Variants in BDP1 observed in about 807,000 individuals in gnomAD.
The protein encoded by BDP1 is transcription factor TFIIIB component B'' homolog.
BDP1 carries 169 observed loss-of-function variants against 266.6 expected under a neutral mutation model. That is an observed-to-expected ratio of 0.63 (90% CI 0.56 to 0.72). The LOEUF (loss-of-function observed/expected upper bound fraction) is 0.72, where lower values mean the gene tolerates loss of function less well. Ranked by LOEUF, BDP1 falls within the 30% of genes least tolerant of loss-of-function variation. BDP1 has a pLI of 0.00. For missense variants in BDP1, 3,015 were observed against 3,053.8 expected (o/e 0.99, Z 0.30); for synonymous variants, 1,090 against 1,022.4 (o/e 1.07, Z -1.26).
chr5:71,461,668 T>C (rs1761572677), intron 2 of BDP1, 149 bp from the exon 3 acceptor site: 1 of 542,854 alleles, frequency 1.8e-6, no homozygotes, highest in African/African-American at 1.9e-5. Context: ...TACAACTTTT[T>C]AATATTCCAT....
chr5:71,543,136 C>A (rs1030854630), intron 30 of BDP1, among the ~76,000 whole-genome samples: 12 of 152,126 alleles, frequency 7.9e-5, no homozygotes, highest in African/African-American at 2.9e-4. Flanking sequence ...CAAAAATTAG[C>A]CAGGCATGGT....
chr5:71,493,464 TG>T (rs1763710022), intron 11 of BDP1, among the ~76,000 whole-genome samples: 1 of 152,140 alleles, frequency 6.6e-6, no homozygotes, highest in South Asian at 2.1e-4. Context: ...TTTTCCAGGC[TG>T]GTCTCAAACT....
At chr5:71,531,142 A>G (rs1355677106) in intron 25 of BDP1, among the ~76,000 whole-genome samples, 1 of 152,156 alleles carries the variant, frequency 6.6e-6, no homozygotes, top group Admixed American at 6.6e-5. Context: ...GTTTCTACTC[A>G]GCCATACAAC....
intron 1 of BDP1, 26 bp from the exon 2 acceptor site, chr5:71,458,553 T>C: frequency 1.3e-6 from 2 of 1,543,560 alleles, no homozygotes; most frequent in South Asian, 2.5e-5. Flanking sequence ...TCATGTGCCC[T>C]CTTTTTTCTT....
intron 6 of BDP1, among the ~76,000 whole-genome samples, chr5:71,469,434 G>T (rs1479276459): frequency 6.6e-6 from 1 of 152,008 alleles, no homozygotes; most frequent in African/African-American, 2.4e-5. Flanking sequence ...GCCACCGTGC[G>T]TGGCCTCTTG....
chr5:71,553,434 A>G, intron 35 of BDP1, 114 bp downstream of exon 35: 1 of 655,654 alleles, frequency 1.5e-6, no homozygotes, highest in Non-Finnish European at 2.5e-6. Context: ...ATATATATAA[A>G]GATAGTTCTG....
At chr5:71,560,317 T>G (rs112200932) in intron 37 of BDP1, 80 bp downstream of exon 37, 1 of 1,407,136 alleles carries the variant, frequency 7.1e-7, no homozygotes, top group Non-Finnish European at 9.6e-7. Flanking sequence ...TTAGATCCAG[T>G]ACTAAGGATG....
At chr5:71,527,279 A>G (rs1455855126) in intron 25 of BDP1, among the ~76,000 whole-genome samples, 3 of 152,086 alleles carry the variant, frequency 2.0e-5, no homozygotes, top group Non-Finnish European at 4.4e-5. Context: ...CAAAAAACCA[A>G]GATACAAGAT....
chr5:71,555,990 C>T (rs1743192016), intron 35 of BDP1, among the ~76,000 whole-genome samples: 1 of 150,272 alleles, frequency 6.7e-6, no homozygotes, highest in African/African-American at 2.4e-5. Flanking sequence ...TCTTCCTATT[C>T]AAAAACATGG....
intron 17 of BDP1, 70 bp from the exon 18 acceptor site, chr5:71,512,171 T>G (rs1413859656): frequency 1.3e-6 from 1 of 764,320 alleles, no homozygotes; most frequent in Non-Finnish European, 1.9e-6. Context: ...TTAGTAGACT[T>G]TTGTTTTAAA....
rs1277927273 is a variant in BDP1 at position 71,511,096 on chromosome 5, A to G, written c.4004A>G (p.His1335Arg). 3.7e-6 allele frequency: 6 copies of G among 1,614,026 alleles called. No individual in the cohort carries two copies. Among genetic ancestry groups the G allele is most frequent in the Non-Finnish European group, 5.1e-6 (6 of 1,179,996 alleles). The change falls in exon 17 of 39, where the codon CAT becomes CGT. Residue 1335 changes from histidine to arginine, a missense_variant. Around this residue, in one of 3 missense-constraint regions of BDP1, gnomAD observed 2,383 missense variants for 2,404.9 expected, o/e 0.99. Transcript: ENST00000358731. Reference protein sequence around the residue: ...ETSTSRQTDTHLMQSGSNDFS... With the variant: ...ETSTSRQTDTRLMQSGSNDFS... ...AGTACCTCAAGACAAACTGACACAC[A>G]TTTAATGCAGAGCGGTAGCAATGAC...
intron 7 of BDP1, among the ~76,000 whole-genome samples, chr5:71,480,709 G>C (rs1422476634): frequency 1.3e-5 from 2 of 151,158 alleles, no homozygotes; most frequent in African/African-American, 4.9e-5. Flanking sequence ...GATTACAGGT[G>C]CATGCCACCA....
intron 36 of BDP1, among the ~76,000 whole-genome samples, chr5:71,559,657 T>C (rs1036380510): frequency 6.6e-6 from 1 of 152,222 alleles, no homozygotes; most frequent in Non-Finnish European, 1.5e-5. Flanking sequence ...TGGTTTGGTT[T>C]CTAAATTTTA....
intron 4 of BDP1, 93 bp from the exon 5 acceptor site, chr5:71,466,003 A>G (rs1761884340): frequency 7.6e-7 from 1 of 1,324,478 alleles, no homozygotes; most frequent in East Asian, 2.4e-5. Flanking sequence ...AAATAGCTAG[A>G]AGGTTGAGTT....
chr5:71,550,126 C>CTTTA (rs1015738908), intron 34 of BDP1, among the ~76,000 whole-genome samples: 1 of 152,202 alleles, frequency 6.6e-6, no homozygotes, highest in Non-Finnish European at 1.5e-5. Flanking sequence ...TGGCTTGCGC[C>CTTTA]TTTAATCCCA....
At chr5:71,530,518 A>G (rs747989732) in intron 25 of BDP1, among the ~76,000 whole-genome samples, 46 of 151,954 alleles carry the variant, frequency 3.0e-4, no homozygotes, top group Non-Finnish European at 5.3e-4. Context: ...TGCTGGGATT[A>G]CAGGCATGAG....
At chr5:71,466,326 T>C in intron 5 of BDP1, 105 bp downstream of exon 5, 1 of 1,198,934 alleles carries the variant, frequency 8.3e-7, no homozygotes, top group South Asian at 1.5e-5. Context: ...CACTTAGACC[T>C]TGACGTTCTT....
intron 22 of BDP1, 115 bp from the exon 23 acceptor site, chr5:71,522,174 T>G: frequency 2.6e-6 from 2 of 765,388 alleles, no homozygotes. Context: ...CCAATTTATA[T>G]ATAGTCCTTT....
At chr5:71,493,374 C>T (rs144128973) in intron 11 of BDP1, among the ~76,000 whole-genome samples, 25 of 152,242 alleles carry the variant, frequency 1.6e-4, no homozygotes, top group African/African-American at 6.0e-4. Context: ...ATTCTATCAC[C>T]TCAGCATCTC....
Sources: gnomAD v4.1 joint callset for allele counts (sites outside exome capture counted in the v4.1 genomes callset) on GRCh38, gnomAD v4.1.1 for gene constraint, gnomAD v4.1.1 regional missense constraint, MANE v1.5 for transcripts, NCBI Gene and HGNC (gene_info 2026-07-23, HGNC 2026-07-21) for gene names.